The following ATM variants were observed in gnomAD, a reference collection of about 807,000 sequenced individuals.
ATM encodes serine-protein kinase ATM.
ATM carries 308 observed loss-of-function variants against 387.0 expected under a neutral mutation model. That is an observed-to-expected ratio of 0.80 (90% CI 0.73 to 0.87). ATM has a LOEUF of 0.87. Ranked by LOEUF, ATM falls within the 40% of genes least tolerant of loss-of-function variation. The pLI is 0.00. For missense variants in ATM, 3,312 were observed against 3,560.9 expected (o/e 0.93, Z 1.78); for synonymous variants, 1,156 against 1,187.3 (o/e 0.97, Z 0.54).
At chr11:108,281,563 T>A (rs1192941859) in intron 24 of ATM, among the ~76,000 whole-genome samples, 1 of 152,208 alleles carries the variant, frequency 6.6e-6, no homozygotes, top group African/African-American at 2.4e-5. Context: ...TTTAGAGCTA[T>A]CAGGCTTTTA....
chr11:108,354,909 TC>T (rs772539976), intron 61 of ATM, 35 bp downstream of exon 61: 77 of 1,548,956 alleles, frequency 5.0e-5, no homozygotes, highest in African/African-American at 4.1e-5. Context: ...TTATTTTTTT[TC>T]TTACCAGGTA....
intron 9 of ATM, among the ~76,000 whole-genome samples, chr11:108,250,393 T>G (rs2080070538): frequency 6.6e-6 from 1 of 152,236 alleles, no homozygotes; most frequent in African/African-American, 2.4e-5. Context: ...CCTCGTGATC[T>G]GCCTGCCTTG....
intron 32 of ATM, 200 bp from the exon 33 acceptor site, chr11:108,297,087 G>T: frequency 1.8e-6 from 1 of 563,450 alleles, no homozygotes; most frequent in South Asian, 2.1e-5. Context: ...GTCACATATT[G>T]CTAATCACTT....
chr11:108,357,391 C>G (rs972693908), intron 61 of ATM, among the ~76,000 whole-genome samples: 1 of 152,246 alleles, frequency 6.6e-6, no homozygotes, highest in Non-Finnish European at 1.5e-5. Context: ...ATTGCCCAGG[C>G]TTGATTAGGT....
intron 52 of ATM, 108 bp from the exon 53 acceptor site, chr11:108,332,654 T>C (rs1386481699): frequency 2.6e-6 from 3 of 1,165,880 alleles, no homozygotes; most frequent in Non-Finnish European, 3.7e-6. Flanking sequence ...AATCATTCCA[T>C]TGTCTAGATT....
Position 108,227,837 on chromosome 11 carries a change from G to A in ATM, c.134G>A (p.Arg45Gln), listed in dbSNP as rs762382111. Residue 45 changes from arginine (R) to glutamine (Q), a missense_variant, in exon 3 of 63, where the codon CGG (arginine) becomes CAG (glutamine). Physicochemically the swap from Arg to Gln is conservative, Grantham distance 43. Coordinates refer to ENST00000675843, the MANE Select transcript of ATM (RefSeq NM_000051.4). ...CCTGAAACAATTAAACATCTAGATC[G>A]GCATTCAGATTCCAAACAAGGAAAA... ...RDPETIKHLD[R>Q]HSDSKQGKYL... The A allele has an allele frequency of 4.3e-6, 7 of 1,613,238 alleles. No individual in the cohort carries two copies. The highest frequency in any genetic ancestry group is 3.3e-5 in the Admixed American group (2 of 59,980).
Position 108,326,224 on chromosome 11 carries a change from C to G in ATM, c.6974C>G (p.Ala2325Gly). The G allele has an allele frequency of 6.2e-7, 1 of 1,613,562 alleles. No individual in the cohort carries two copies. The highest frequency in any genetic ancestry group is 8.5e-7 in the Non-Finnish European group (1 of 1,179,910). The stretch of plus-strand genomic sequence containing the variant: ...AAGAAGTTGGATGCCAGCTGTGCAG[C>G]GGTTTGTTTTTTTTATTGGCTGGAT... ...MIKKLDASCA[A>G]NNPSLKLTYT... Residue 2325 changes from alanine to glycine, a missense_variant and splice_region_variant, in exon 47 of 63, where the codon GCG becomes GGG. This residue lies in a region of ATM where 1,405 missense variants were observed against 1,604.4 expected (regional missense o/e 0.88). Transcript: ENST00000675843.
intron 7 of ATM, among the ~76,000 whole-genome samples, chr11:108,246,497 C>T (rs1488314124): frequency 1.3e-5 from 2 of 152,118 alleles, no homozygotes; most frequent in African/African-American, 4.8e-5. Context: ...CCATGTTCAC[C>T]AGATTTTGTA....
At chr11:108,340,160 T>C (rs557063310) in intron 56 of ATM, 7 of 151,976 alleles carry the variant, frequency 4.6e-5, no homozygotes, top group Non-Finnish European at 7.4e-5. Flanking sequence ...CTTTATTTTC[T>C]TTTTACTTTT....
Position 108,314,476 on chromosome 11 carries a change from T to C in ATM, c.6007-1347T>C, listed in dbSNP as rs4988081. 8.7e-3 allele frequency among the ~76,000 whole-genome samples: 1,321 copies of C among 151,868 alleles called. 22 individuals are homozygous for C. The highest frequency in any genetic ancestry group is 0.03 in the African/African-American group (1,245 of 41,434). On this transcript the variant is annotated intron_variant, in intron 40 of 62. Coordinates refer to ENST00000675843, the MANE Select transcript of ATM (RefSeq NM_000051.4). ...GTGATTTTTTTTTTTTTATGTGATA[T>C]AAGCCTGGTAGGTCGGTACTTATTT... is the stretch of plus-strand genomic sequence containing the variant.
intron 43 of ATM, among the ~76,000 whole-genome samples, chr11:108,317,840 C>A (rs902755522): frequency 2.0e-5 from 3 of 151,498 alleles, no homozygotes; most frequent in African/African-American, 7.3e-5. Context: ...TCCATTAGGA[C>A]AACTTCACCC....
chr11:108,345,593 T>C lies in ATM; in HGVS notation c.8419-150T>C, dbSNP rs2088231133. ...GGGATTATCACTTGTAATTAATTGC[T>C]TCCCTGTCCAGACTGTTAGCTTCTT... On this transcript the variant is annotated intron_variant, in intron 57 of 62. Coordinates refer to ENST00000675843, the MANE Select transcript of ATM (RefSeq NM_000051.4). 12 of 636,982 alleles carry C rather than the reference T, an allele frequency of 1.9e-5. 1 individual carries two copies. In the South Asian group the frequency reaches 3.1e-4, roughly 17 times the overall value. The allele number at this position is 636,982 out of a possible 1,614,324, so 39.5% of individuals were successfully genotyped here.
intron 51 of ATM, 147 bp from the exon 52 acceptor site, chr11:108,331,732 C>T (rs2086261919): frequency 7.8e-7 from 1 of 1,275,128 alleles, no homozygotes; most frequent in African/African-American, 1.5e-5. Flanking sequence ...TCATAGGCCT[C>T]TGCCTTTTTC....
At chr11:108,300,200 T>C (rs1267308564) in intron 34 of ATM, among the ~76,000 whole-genome samples, 1 of 152,106 alleles carries the variant, frequency 6.6e-6, no homozygotes, top group Non-Finnish European at 1.5e-5. Context: ...TAAAGGGAGA[T>C]GTTTTAGGCT....
intron 36 of ATM, 143 bp downstream of exon 36, chr11:108,303,172 G>A (rs977019256): frequency 5.5e-6 from 5 of 910,800 alleles, no homozygotes; most frequent in Non-Finnish European, 8.2e-6. Flanking sequence ...TCCGTATTTA[G>A]TCATAACTTT....
At chr11:108,348,671 C>G (rs976638531) in intron 59 of ATM, among the ~76,000 whole-genome samples, 9 of 151,230 alleles carry the variant, frequency 6.0e-5, no homozygotes, top group African/African-American at 2.2e-4. Context: ...TGCAAAAGAA[C>G]AAAAATAATT....
intron 38 of ATM, chr11:108,309,131 C>A: frequency 3.2e-6 from 3 of 949,572 alleles, no homozygotes; most frequent in Non-Finnish European, 4.8e-6. Context: ...CAAGTCCAAG[C>A]TTGTGCTGTG....
intron 43 of ATM, 73 bp downstream of exon 43, chr11:108,317,594 A>C: frequency 8.2e-7 from 1 of 1,224,074 alleles, no homozygotes; most frequent in Non-Finnish European, 1.1e-6. Context: ...TTTCTCTTCT[A>C]TGAATATAAC....
In ATM at chr11:108,312,419, C is replaced by T. The variant is rs1197973623; in HGVS notation, c.5927C>T (p.Ala1976Val). The T allele has an allele frequency of 6.3e-7, 1 of 1,590,942 alleles. No homozygotes were observed. Among genetic ancestry groups the T allele is most frequent in the Non-Finnish European group, 8.6e-7 (1 of 1,159,282 alleles). ...GTTCTTGTGACAAACAGAAGTCTTG[C>T]ATTTGAAGAAGGAAGCCAGAGTACA... ...SMDDQEKRSL[A>V]FEEGSQSTTI... Residue 1976 changes from alanine (A) to valine (V), a missense_variant, in exon 40 of 63, where the codon GCA becomes GTA. Transcript: ENST00000675843.
Sources: gnomAD v4.1 joint callset for allele counts (sites outside exome capture counted in the v4.1 genomes callset) on GRCh38, gnomAD v4.1.1 for gene constraint, gnomAD v4.1.1 regional missense constraint, MANE v1.5 for transcripts, NCBI Gene and HGNC (gene_info 2026-07-23, HGNC 2026-07-21) for gene names.